ZNF837: variants seen among roughly 807,000 people sequenced by gnomAD.
The protein encoded by ZNF837 is zinc finger protein 837.
For missense variants in ZNF837, 955 were observed against 801.7 expected (o/e 1.19, Z -2.31); for synonymous variants, 475 against 365.2 (o/e 1.30, Z -3.43).
chr19:58,372,074 G>A (rs999935726), intron 1 of ZNF837, among the ~76,000 whole-genome samples: 1 of 150,040 alleles, frequency 6.7e-6, no homozygotes, highest in Non-Finnish European at 1.5e-5. Context: ...TTTATTTAGA[G>A]ACAGGGTTTC....
chr19:58,380,898 C>T (rs1260690116), intron 1 of ZNF837, 43 bp downstream of exon 1: 2 of 152,310 alleles, frequency 1.3e-5, no homozygotes, highest in Admixed American at 1.3e-4. Context: ...GAGGTCCCCG[C>T]CTCGCAGGCC....
chr19:58,370,463 TAGTC>T (rs767578240), intron 1 of ZNF837, among the ~76,000 whole-genome samples: 19 of 151,848 alleles, frequency 1.3e-4, no homozygotes, highest in Non-Finnish European at 2.5e-4. Context: ...TGAAGTAACA[TAGTC>T]AGAGGTTCTA....
chr19:58,368,485 G>A lies in ZNF837; in HGVS notation c.848C>T (p.Thr283Ile), dbSNP rs1385565204. The change falls in exon 3 of 3, where the codon ACC becomes ATC. Residue 283 changes from threonine (T) to isoleucine (I), a missense_variant. Transcript: ENST00000597582. ...CDECGKAFTR[T>I]SSLLQHQRIH... ...GCGCTGGTGCTGCAGCAGGCTGGAG[G>A]TGCGCGTGAAGGCCTTGCCGCACTC... 1 of 1,562,694 alleles carries A rather than the reference G, an allele frequency of 6.4e-7. No individual in the cohort carries two copies. Among genetic ancestry groups the A allele is most frequent in the Admixed American group, 1.9e-5 (1 of 53,172 alleles).
At chr19:58,371,488 A>G (rs2052201779) in intron 1 of ZNF837, among the ~76,000 whole-genome samples, 1 of 152,172 alleles carries the variant, frequency 6.6e-6, no homozygotes, top group Non-Finnish European at 1.5e-5. Context: ...TAAGTGCACA[A>G]TCCTCCTGTC....
In ZNF837 at chr19:58,368,353, C is replaced by T. The variant is rs909737100; in HGVS notation, c.980G>A (p.Arg327Gln). The change falls in exon 3 of 3, where the codon CGG (arginine) becomes CAG (glutamine). Residue 327 changes from arginine (R) to glutamine (Q), a missense_variant. Physicochemically the swap from Arg to Gln is conservative, Grantham distance 43. Transcript: ENST00000597582. Reference protein sequence around the residue: ...HQKTHSAERHRRGPVLARRAF... With the variant: ...HQKTHSAERHQRGPVLARRAF... The stretch of plus-strand genomic sequence containing the variant: ...GCGCCGCGCCAGGACGGGGCCACGC[C>T]GGTGGCGCTCGGCCGAGTGCGTCTT... 6 of 1,526,764 alleles carry T rather than the reference C, an allele frequency of 3.9e-6. No individual in the cohort carries two copies. Among genetic ancestry groups the T allele is most frequent in the African/African-American group, 1.4e-5 (1 of 71,384 alleles). The allele number at this position is 1,526,764 out of a possible 1,614,324, so 94.6% of individuals were successfully genotyped here.
intron 1 of ZNF837, among the ~76,000 whole-genome samples, chr19:58,379,944 G>A (rs71355844): frequency 5.3e-5 from 8 of 152,100 alleles, no homozygotes; most frequent in Non-Finnish European, 8.8e-5. Flanking sequence ...GCAGTGAGCC[G>A]AGATCGCGCC....
chr19:58,370,553 G>T (rs565696724), intron 1 of ZNF837, among the ~76,000 whole-genome samples: 1 of 152,166 alleles, frequency 6.6e-6, no homozygotes, highest in South Asian at 2.1e-4. Flanking sequence ...ATACACACAC[G>T]TGCATATATA....
Position 58,368,016 on chromosome 19 carries a change from G to A in ZNF837, c.1317C>T (p.Arg439=), listed in dbSNP as rs1044432340. The A allele has an allele frequency of 6.5e-7, 1 of 1,534,220 alleles. No individual in the cohort carries two copies. ...KGRSGLVQHQ[R]AHTGERPYGC... ...CATAGGGCCGCTCGCCGGTGTGCGC[G>A]CGCTGGTGTTGCACCAGGCCCGAGC... is the stretch of plus-strand genomic sequence containing the variant. The change falls in exon 3 of 3, where the codon CGC becomes CGT. Residue 439 remains arginine, a synonymous_variant. Transcript: ENST00000597582.
In ZNF837 at chr19:58,368,102, G is replaced by GTGAGTGCGTCTT. The variant is rs2052155386; in HGVS notation, c.1230_1231insAAGACGCACTCA (p.Gln410_Arg411insLysThrHisSer). Reference sequence around the variant, plus strand: ...TAGGGCTTGGCGCTGCTGTGAGTGCGCTGGTGCCGGCTCAGGTTCGAGCGC... The same window carrying GTGAGTGCGTCTT: ...TAGGGCTTGGCGCTGCTGTGAGTGCGTGAGTGCGTCTTCTGGTGCCGGCTCAGGTTCGAGCGC... On this transcript the variant is annotated inframe_insertion, in exon 3 of 3. Coordinates refer to ENST00000597582, the MANE Select transcript of ZNF837 (RefSeq NM_138466.2). The GTGAGTGCGTCTT allele has an allele frequency of 6.4e-7, 1 of 1,563,744 alleles. No homozygotes were observed. Among genetic ancestry groups the GTGAGTGCGTCTT allele is most frequent in the Admixed American group, 1.9e-5 (1 of 53,058 alleles).
chr19:58,371,931 C>T (rs2052205779), intron 1 of ZNF837, among the ~76,000 whole-genome samples: 1 of 152,000 alleles, frequency 6.6e-6, no homozygotes, highest in African/African-American at 2.4e-5. Flanking sequence ...CCATGCTGGC[C>T]AGGCTGGTCT....
In ZNF837 at chr19:58,368,528, G is replaced by T; in HGVS notation, c.805C>A (p.Arg269=). The change falls in exon 3 of 3, where the codon CGA becomes AGA. Residue 269 remains arginine (R), a synonymous_variant. Coordinates refer to ENST00000597582, the MANE Select transcript of ZNF837 (RefSeq NM_138466.2). ...RPIVPDPPAQ[R]LYACDECGKA... ...CCGCACTCGTCGCAAGCGTACAGTC[G>T]CTGGGCCGGGGGGTCGGGGACAATA... 1 of 1,542,738 alleles carries T rather than the reference G, an allele frequency of 6.5e-7. No individual in the cohort carries two copies. The highest frequency in any genetic ancestry group is 8.7e-7 in the Non-Finnish European group (1 of 1,145,052).
chr19:58,371,299 T>G (rs1160322249), intron 1 of ZNF837, among the ~76,000 whole-genome samples: 1 of 150,192 alleles, frequency 6.7e-6, no homozygotes, highest in African/African-American at 2.5e-5. Context: ...TCCCAGCTAC[T>G]CAGGAGGCTA....
Position 58,368,317 on chromosome 19 carries a change from AG to A in ZNF837, c.1015del (p.Leu339TrpfsTer68). ...GTAGTCCCCGCAGGGCGGGCACCCC[AG>A]CCGGAAGGCGCGCCGCGCCAGGACG... ...GPVLARRAFR[L>X]GCPPCGDYSE... On this transcript the variant is annotated frameshift_variant, in exon 3 of 3. Coordinates refer to ENST00000597582, the MANE Select transcript of ZNF837 (RefSeq NM_138466.2). LOFTEE classifies it low-confidence loss of function (END_TRUNC). 6.7e-7 allele frequency: 1 copy of A among 1,490,510 alleles called. No individual in the cohort carries two copies. Among genetic ancestry groups the A allele is most frequent in the Non-Finnish European group, 8.9e-7 (1 of 1,129,672 alleles). The allele number at this position is 1,490,510 out of a possible 1,614,324, so 92.3% of individuals were successfully genotyped here.
chr19:58,375,602 C>G (rs1264633865), intron 1 of ZNF837, among the ~76,000 whole-genome samples: 1 of 151,370 alleles, frequency 6.6e-6, no homozygotes, highest in Non-Finnish European at 1.5e-5. Context: ...CATGTGCCAC[C>G]AAGAACGGCT....
At chr19:58,373,185 A>G (rs1201872858) in intron 1 of ZNF837, among the ~76,000 whole-genome samples, 1 of 152,212 alleles carries the variant, frequency 6.6e-6, no homozygotes, top group Non-Finnish European at 1.5e-5. Flanking sequence ...AGCCAGATGC[A>G]GACTCCCAAA....
Position 58,368,015 on chromosome 19 carries a change from C to G in ZNF837, c.1318G>C (p.Ala440Pro). Residue 440 changes from alanine (A) to proline (P), a missense_variant, in exon 3 of 3, where the codon GCG (alanine) becomes CCG (proline). Physicochemically the swap from Ala to Pro is conservative, Grantham distance 27 (BLOSUM62 -1). Transcript: ENST00000597582. Reference sequence around the variant, plus strand: ...CCATAGGGCCGCTCGCCGGTGTGCGCGCGCTGGTGTTGCACCAGGCCCGAG... The same window carrying G: ...CCATAGGGCCGCTCGCCGGTGTGCGGGCGCTGGTGTTGCACCAGGCCCGAG... ...GRSGLVQHQRAHTGERPYGCS... is the reference protein window; with the variant it reads ...GRSGLVQHQRPHTGERPYGCS... 6.5e-7 allele frequency: 1 copy of G among 1,532,294 alleles called. No individual in the cohort carries two copies. Among genetic ancestry groups the G allele is most frequent in the African/African-American group, 1.4e-5 (1 of 72,470 alleles). The allele number at this position is 1,532,294 out of a possible 1,614,324, so 94.9% of individuals were successfully genotyped here.
In ZNF837 at chr19:58,368,444, G is replaced by A. The variant is rs934408444; in HGVS notation, c.889C>T (p.Arg297Trp). 2 of 1,564,124 alleles carry A rather than the reference G, an allele frequency of 1.3e-6. No homozygotes were observed. The highest frequency in any genetic ancestry group is 8.6e-7 in the Non-Finnish European group (1 of 1,157,124). The change falls in exon 3 of 3, where the codon CGG (arginine) becomes TGG (tryptophan). Residue 297 changes from arginine to tryptophan, a missense_variant. Transcript: ENST00000597582. ...LQHQRIHTGERPYECAECGKA... is the reference protein window; with the variant it reads ...LQHQRIHTGEWPYECAECGKA... The stretch of plus-strand genomic sequence containing the variant: ...CCGCACTCGGCGCACTCGTAGGGCC[G>A]CTCGCCCGTGTGGATGCGCTGGTGC...
chr19:58,368,778 C>T lies in ZNF837; in HGVS notation c.555G>A (p.Pro185=). 1.3e-6 allele frequency: 2 copies of T among 1,543,236 alleles called. No homozygotes were observed. The highest frequency in any genetic ancestry group is 1.7e-6 in the Non-Finnish European group (2 of 1,146,652). Residue 185 remains proline, a synonymous_variant, in exon 3 of 3, where the codon CCG becomes CCA. Transcript: ENST00000597582. ...GAPTCPRTPK[P]TSRGRNPLVE... ...CCAAGGGGTTCCTCCCGCGGGAGGT[C>T]GGCTTTGGGGTCCTCGGGCAGGTCG...
rs139712601 is a variant in ZNF837, at chr19:58,368,001, C to T, written c.1332G>A (p.Glu444=). ...CGCACTCGGAGCAGCCATAGGGCCG[C>T]TCGCCGGTGTGCGCGCGCTGGTGTT... is the stretch of plus-strand genomic sequence containing the variant. ...LVQHQRAHTG[E]RPYGCSECGK... The change falls in exon 3 of 3, where the codon GAG becomes GAA. Residue 444 remains glutamate, a synonymous_variant. Transcript: ENST00000597582. 4,286 of 1,532,746 alleles carry T rather than the reference C, an allele frequency of 2.8e-3. 5 individuals carry two copies. Among genetic ancestry groups the T allele is most frequent in the Non-Finnish European group, 3.4e-3 (3,883 of 1,144,248 alleles). The allele number at this position is 1,532,746 out of a possible 1,614,324, so 94.9% of individuals were successfully genotyped here.
Sources: gnomAD v4.1 joint callset for allele counts (sites outside exome capture counted in the v4.1 genomes callset) on GRCh38, gnomAD v4.1.1 for gene constraint, MANE v1.5 for transcripts, NCBI Gene and HGNC (gene_info 2026-07-23, HGNC 2026-07-21) for gene names.